TRHDE: variants seen among roughly 807,000 people sequenced by gnomAD.
TRHDE encodes the protein thyrotropin releasing hormone degrading enzyme.
TRHDE carries 72 observed loss-of-function variants against 125.7 expected under a neutral mutation model. That is an observed-to-expected ratio of 0.57 (90% CI 0.47 to 0.70). The LOEUF is 0.70. Among genes scored for constraint, TRHDE ranks in the 30% least tolerant of loss-of-function variants. TRHDE has a pLI of 0.00. For missense variants in TRHDE, 1,110 were observed against 1,327.1 expected (o/e 0.84, Z 2.54); for synonymous variants, 509 against 509.1 (o/e 1.00, Z 0.00).
intron 18 of TRHDE, among the ~76,000 whole-genome samples, chr12:72,661,175 A>G (rs1235230423): frequency 6.6e-6 from 1 of 152,152 alleles, no homozygotes; most frequent in Non-Finnish European, 1.5e-5. Flanking sequence ...TTTTCTGTTG[A>G]GAGTTCTTTT....
chr12:72,393,452 G>A (rs1304926077), intron 3 of TRHDE, among the ~76,000 whole-genome samples: 2 of 152,164 alleles, frequency 1.3e-5, no homozygotes, highest in East Asian at 3.9e-4. Context: ...GAGAAATGCA[G>A]GGTGTGGGAG....
At chr12:72,333,939 T>C (rs1869718568) in intron 2 of TRHDE, among the ~76,000 whole-genome samples, 1 of 151,926 alleles carries the variant, frequency 6.6e-6, no homozygotes, top group Non-Finnish European at 1.5e-5. Context: ...TATGGTCCAG[T>C]TATTTAGGGA....
chr12:72,374,213 A>T (rs1871761239), intron 2 of TRHDE, among the ~76,000 whole-genome samples: 1 of 151,988 alleles, frequency 6.6e-6, no homozygotes, highest in South Asian at 2.1e-4. Context: ...GATGATGAAC[A>T]TACAGGGGTT....
intron 2 of TRHDE, among the ~76,000 whole-genome samples, chr12:72,224,091 CATCTATCT>C (rs755241021): frequency 2.0e-4 from 10 of 50,278 alleles, no homozygotes; most frequent in African/African-American, 7.7e-4. Flanking sequence ...TCTATCTATC[CATCTATCT>C]ATCTATCTAT....
At chr12:72,227,895 A>G (rs1458605291) in intron 2 of TRHDE, among the ~76,000 whole-genome samples, 1 of 152,158 alleles carries the variant, frequency 6.6e-6, no homozygotes, top group Non-Finnish European at 1.5e-5. Flanking sequence ...CTTTGGCTCC[A>G]TGTCTCATAT....
intron 2 of TRHDE, chr12:72,257,037 C>T (rs188018794): frequency 5.3e-5 from 8 of 152,230 alleles, no homozygotes; most frequent in East Asian, 1.9e-4. Flanking sequence ...TTCATGAGGC[C>T]ACAAATAGTG....
intron 12 of TRHDE, among the ~76,000 whole-genome samples, chr12:72,610,254 T>C (rs1362882536): frequency 6.6e-6 from 1 of 152,234 alleles, no homozygotes; most frequent in Non-Finnish European, 1.5e-5. Flanking sequence ...GATATCTTCA[T>C]AAGAAACTTT....
intron 7 of TRHDE, among the ~76,000 whole-genome samples, chr12:72,551,671 C>T (rs1213862077): frequency 6.6e-6 from 1 of 151,976 alleles, no homozygotes; most frequent in African/African-American, 2.4e-5. Flanking sequence ...GTATTCAGGG[C>T]ATGGTCCTGA....
At chr12:72,312,361 T>C (rs1457865122) in intron 2 of TRHDE, among the ~76,000 whole-genome samples, 1 of 152,222 alleles carries the variant, frequency 6.6e-6, no homozygotes, top group African/African-American at 2.4e-5. Context: ...GGAATCGCTT[T>C]TTATTTTCTA....
intron 2 of TRHDE, among the ~76,000 whole-genome samples, chr12:72,307,461 C>T (rs894975883): frequency 8.5e-5 from 13 of 152,076 alleles, no homozygotes; most frequent in South Asian, 6.2e-4. Flanking sequence ...TGAGCCACCA[C>T]GCCTGGCCAG....
At chr12:72,306,612 G>A (rs1480811885) in intron 2 of TRHDE, 1 of 152,110 alleles carries the variant, frequency 6.6e-6, no homozygotes, top group Non-Finnish European at 1.5e-5. Flanking sequence ...ATTCAGTCAT[G>A]TAATGATGTT....
At chr12:72,575,194 C>G in intron 10 of TRHDE, 61 bp from the exon 11 acceptor site, 3 of 1,542,622 alleles carry the variant, frequency 1.9e-6, no homozygotes, top group Non-Finnish European at 2.7e-6. Flanking sequence ...GTTAAGAAAA[C>G]ATACTTCATT....
At chr12:72,530,072 C>T (rs987315111) in intron 6 of TRHDE, among the ~76,000 whole-genome samples, 10 of 152,086 alleles carry the variant, frequency 6.6e-5, no homozygotes, top group African/African-American at 1.9e-4. Flanking sequence ...TGTTTCTTGT[C>T]TTTTGAAACA....
chr12:72,163,360 C>G (rs1487439224), intron 2 of TRHDE, among the ~76,000 whole-genome samples: 1 of 152,170 alleles, frequency 6.6e-6, no homozygotes, highest in Non-Finnish European at 1.5e-5. Flanking sequence ...GATGACGGTT[C>G]TCTTCTTGCA....
intron 2 of TRHDE, among the ~76,000 whole-genome samples, chr12:72,107,603 A>G (rs1226921524): frequency 1.3e-5 from 2 of 152,038 alleles, no homozygotes; most frequent in Admixed American, 1.3e-4. Flanking sequence ...ATCTTCCACA[A>G]AGAGTTCTAC....
At chr12:72,465,686 G>A (rs1876338710) in intron 3 of TRHDE, among the ~76,000 whole-genome samples, 1 of 152,224 alleles carries the variant, frequency 6.6e-6, no homozygotes, top group Non-Finnish European at 1.5e-5. Flanking sequence ...GTGTACAAAT[G>A]TTTGTGTAGA....
chr12:72,653,173 T>C lies in TRHDE; in HGVS notation c.2984+17T>C. ...AAATACCAGGTAGAAATTAGAATTCTTACTTGAATGAGTAAATTAAAGCCG... is the reference window on the plus strand; with the variant it reads ...AAATACCAGGTAGAAATTAGAATTCCTACTTGAATGAGTAAATTAAAGCCG... On this transcript the variant is annotated intron_variant, in intron 17 of 18. Coordinates refer to ENST00000261180, the MANE Select transcript of TRHDE (RefSeq NM_013381.3). 6.3e-7 allele frequency: 1 copy of C among 1,598,692 alleles called. No individual in the cohort carries two copies. The highest frequency in any genetic ancestry group is 8.5e-7 in the Non-Finnish European group (1 of 1,172,256).
Position 72,443,472 on chromosome 12 carries a change from T to C in TRHDE, c.1316-26286T>C, listed in dbSNP as rs572344036. On this transcript the variant is annotated intron_variant, in intron 3 of 18. Transcript: ENST00000261180. ...GAGACCTAAGAAGCAAGGACTTAGA[T>C]TGAGTATTAGTCACCTTTTTTTCCC... Among the ~76,000 whole-genome samples, 3 of 151,826 alleles carry C rather than the reference T, an allele frequency of 2.0e-5. No individual in the cohort carries two copies. In the South Asian group the frequency reaches 6.2e-4, roughly 31 times the overall value.
chr12:72,612,491 G>A (rs1872667377), intron 12 of TRHDE, among the ~76,000 whole-genome samples: 1 of 152,190 alleles, frequency 6.6e-6, no homozygotes, highest in Non-Finnish European at 1.5e-5. Context: ...ACCAGCAGGA[G>A]CTTGCTTGTC....
Sources: allele counts gnomAD v4.1 joint callset (sites outside exome capture counted in the v4.1 genomes callset), GRCh38; gene constraint gnomAD v4.1.1; transcripts MANE v1.5; gene names NCBI Gene and HGNC (gene_info 2026-07-23, HGNC 2026-07-21).